EBF1: variants seen among roughly 807,000 people sequenced by gnomAD.
The protein encoded by EBF1 is EBF transcription factor 1, also known as transcription factor COE1.
EBF1 carries 10 observed loss-of-function variants against 68.4 expected under a neutral mutation model. The ratio of observed to expected loss-of-function variants is 0.15; its 90% CI spans 0.09 to 0.25. The LOEUF (loss-of-function observed/expected upper bound fraction) is 0.25. Among genes scored for constraint, EBF1 ranks in the 10% least tolerant of loss-of-function variants. The pLI is 1.00. For synonymous variants in EBF1, 298 were observed against 299.8 expected (o/e 0.99, Z 0.06); for missense variants, 509 against 794.4 (o/e 0.64, Z 4.32).
intron 8 of EBF1, among the ~76,000 whole-genome samples, chr5:158,821,845 G>C (rs1784893644): frequency 6.6e-6 from 1 of 152,178 alleles, no homozygotes; most frequent in Non-Finnish European, 1.5e-5. Flanking sequence ...CCATAAAGAA[G>C]CAGCTTTTGA....
intron 6 of EBF1, among the ~76,000 whole-genome samples, chr5:159,033,151 G>A (rs749590318): frequency 2.6e-5 from 4 of 152,220 alleles, no homozygotes; most frequent in Non-Finnish European, 4.4e-5. Flanking sequence ...GCCTGGAAGC[G>A]GGAAGTGGGG....
At chr5:158,862,531 C>A (rs887778835) in intron 6 of EBF1, among the ~76,000 whole-genome samples, 2 of 152,132 alleles carry the variant, frequency 1.3e-5, no homozygotes, top group Non-Finnish European at 2.9e-5. Context: ...AAGCCCCCTA[C>A]GTGCCACTAT....
intron 6 of EBF1, among the ~76,000 whole-genome samples, chr5:158,884,972 T>C (rs1457117734): frequency 1.3e-5 from 2 of 152,198 alleles, no homozygotes; most frequent in African/African-American, 4.8e-5. Flanking sequence ...CCAGAGCTTC[T>C]GTGCTATTTG....
intron 6 of EBF1, among the ~76,000 whole-genome samples, chr5:158,845,329 A>C (rs183442407): frequency 9.2e-5 from 14 of 152,312 alleles, no homozygotes; most frequent in Admixed American, 9.2e-4. Flanking sequence ...TCCTAGGATC[A>C]CTGTGCAGCT....
chr5:158,703,811 T>C (rs1027515245), intron 15 of EBF1, among the ~76,000 whole-genome samples: 1 of 152,198 alleles, frequency 6.6e-6, no homozygotes, highest in African/African-American at 2.4e-5. Flanking sequence ...TCCCTGGCCC[T>C]GAATCCCACT....
chr5:159,081,260 T>C (rs1779697106), intron 5 of EBF1, among the ~76,000 whole-genome samples: 1 of 152,226 alleles, frequency 6.6e-6, no homozygotes, highest in Non-Finnish European at 1.5e-5. Context: ...TGGTATTCTG[T>C]ACAATATTTG....
At chr5:159,054,415 T>A (rs575809237) in intron 6 of EBF1, among the ~76,000 whole-genome samples, 1 of 152,258 alleles carries the variant, frequency 6.6e-6, no homozygotes, top group African/African-American at 2.4e-5. Context: ...ATTTAAAAAA[T>A]AGAGAGAGAG....
intron 4 of EBF1, among the ~76,000 whole-genome samples, chr5:159,093,899 C>A (rs1782075405): frequency 6.6e-6 from 1 of 151,584 alleles, no homozygotes; most frequent in African/African-American, 2.4e-5. Flanking sequence ...GCCTTATGTA[C>A]TGATTTGTGT....
intron 15 of EBF1, among the ~76,000 whole-genome samples, chr5:158,700,376 T>A (rs549623573): frequency 1.3e-5 from 2 of 152,220 alleles, no homozygotes; most frequent in Non-Finnish European, 2.9e-5. Context: ...CACGGTTAAG[T>A]GTCTTGTCAG....
At chr5:159,097,444 G>C (rs763004075) in intron 1 of EBF1, 1 of 353,908 alleles carries the variant, frequency 2.8e-6, no homozygotes, top group African/African-American at 2.1e-5. Context: ...CACGCACTGC[G>C]TGGGGAGGAA....
intron 6 of EBF1, among the ~76,000 whole-genome samples, chr5:158,844,936 T>C (rs1343276937): frequency 1.3e-5 from 2 of 152,204 alleles, no homozygotes; most frequent in Non-Finnish European, 2.9e-5. Context: ...GATATTAGTA[T>C]CTAGTTTGAG....
chr5:158,985,780 C>T (rs1758895440), intron 6 of EBF1: 1 of 152,244 alleles, frequency 6.6e-6, no homozygotes, highest in South Asian at 2.1e-4. Context: ...GCAGAGGCAT[C>T]AGAGTCTAAA....
At chr5:158,959,791 C>T (rs1388530784) in intron 6 of EBF1, among the ~76,000 whole-genome samples, 1 of 151,958 alleles carries the variant, frequency 6.6e-6, no homozygotes, top group East Asian at 1.9e-4. Context: ...ATGATTCATT[C>T]ATATACAAGA....
chr5:158,834,748 T>C (rs1788366687), intron 7 of EBF1, among the ~76,000 whole-genome samples: 1 of 152,210 alleles, frequency 6.6e-6, no homozygotes, highest in Non-Finnish European at 1.5e-5. Context: ...ACCTTTCTTA[T>C]GTCCTCCTCA....
At chr5:158,988,922 G>C (rs1759697985) in intron 6 of EBF1, among the ~76,000 whole-genome samples, 1 of 152,186 alleles carries the variant, frequency 6.6e-6, no homozygotes, top group Non-Finnish European at 1.5e-5. Context: ...TCAGCAGCTG[G>C]TATCTCCAGT....
chr5:158,719,364 C>A (rs577288535), intron 11 of EBF1, among the ~76,000 whole-genome samples: 1 of 152,160 alleles, frequency 6.6e-6, no homozygotes, highest in Non-Finnish European at 1.5e-5. Flanking sequence ...ATTAGCTGTA[C>A]TCTTAGGCCC....
At chr5:159,024,603 CA>C (rs1245072071) in intron 6 of EBF1, among the ~76,000 whole-genome samples, 1 of 152,158 alleles carries the variant, frequency 6.6e-6, no homozygotes, top group Non-Finnish European at 1.5e-5. Context: ...CAAGGATAGT[CA>C]AAGTAATATG....
intron 6 of EBF1, among the ~76,000 whole-genome samples, chr5:158,964,265 G>A (rs946821085): frequency 6.6e-6 from 1 of 152,108 alleles, no homozygotes; most frequent in African/African-American, 2.4e-5. Context: ...GAAGGACACT[G>A]TACATAACTC....
intron 6 of EBF1, among the ~76,000 whole-genome samples, chr5:158,968,446 T>G (rs1215467293): frequency 6.6e-6 from 1 of 152,166 alleles, no homozygotes; most frequent in African/African-American, 2.4e-5. Flanking sequence ...AAATACAAAT[T>G]ATGAGAGTTC....
Sources: gnomAD v4.1 joint callset for allele counts (sites outside exome capture counted in the v4.1 genomes callset) on GRCh38, gnomAD v4.1.1 for gene constraint, MANE v1.5 for transcripts, NCBI Gene and HGNC (gene_info 2026-07-23, HGNC 2026-07-21) for gene names.